The following GULP1 variants were observed in gnomAD, a reference collection of about 807,000 sequenced individuals.
GULP1 encodes the protein GULP PTB domain containing engulfment adaptor 1.
In GULP1, 19 loss-of-function variants were observed where a neutral mutation model predicts 40.9. That is an observed-to-expected ratio of 0.46 (90% CI 0.32 to 0.68). The LOEUF (loss-of-function observed/expected upper bound fraction) is 0.68, where lower values mean the gene tolerates loss of function less well. Among genes scored for constraint, GULP1 ranks in the 30% least tolerant of loss-of-function variants. GULP1 has a pLI of 0.03. For missense variants in GULP1, 312 were observed against 362.2 expected (o/e 0.86, Z 1.12); for synonymous variants, 119 against 117.6 (o/e 1.01, Z -0.08).
At chr2:188,450,213 A>G (rs545077390) in intron 2 of GULP1, among the ~76,000 whole-genome samples, 1 of 152,224 alleles carries the variant, frequency 6.6e-6, no homozygotes. Context: ...TTTACAGAAC[A>G]TGATGAAAAT....
At chr2:188,574,732 C>T (rs982700395) in intron 9 of GULP1, among the ~76,000 whole-genome samples, 1 of 151,976 alleles carries the variant, frequency 6.6e-6, no homozygotes, top group Non-Finnish European at 1.5e-5. Flanking sequence ...AACAAGAGGT[C>T]CAAAGTTAAA....
chr2:188,408,327 AT>A (rs1427592683), intron 2 of GULP1, among the ~76,000 whole-genome samples: 3 of 152,164 alleles, frequency 2.0e-5, no homozygotes, highest in Non-Finnish European at 4.4e-5. Context: ...AGTGCATGGT[AT>A]TCTGTTATAG....
intron 4 of GULP1, among the ~76,000 whole-genome samples, chr2:188,484,200 G>T (rs958332510): frequency 3.9e-5 from 6 of 152,068 alleles, no homozygotes; most frequent in Non-Finnish European, 7.4e-5. Flanking sequence ...AAGCCACTCT[G>T]CCCAGCCTAA....
At chr2:188,539,830 A>G (rs1194146138) in intron 6 of GULP1, among the ~76,000 whole-genome samples, 1 of 152,140 alleles carries the variant, frequency 6.6e-6, no homozygotes, top group African/African-American at 2.4e-5. Context: ...GCAAGCTGAC[A>G]CATCAAACTC....
intron 6 of GULP1, among the ~76,000 whole-genome samples, chr2:188,534,204 CT>C (rs1688323594): frequency 1.3e-5 from 2 of 152,154 alleles, no homozygotes; most frequent in African/African-American, 4.8e-5. Flanking sequence ...CATCGCAGCA[CT>C]TTTCACAATA....
chr2:188,429,395 G>T (rs2056592538), intron 2 of GULP1, among the ~76,000 whole-genome samples: 1 of 152,018 alleles, frequency 6.6e-6, no homozygotes. Context: ...AGCTCCTTGG[G>T]AGGCTGAGTT....
At chr2:188,507,478 T>G (rs1366565842) in intron 4 of GULP1, among the ~76,000 whole-genome samples, 2 of 151,268 alleles carry the variant, frequency 1.3e-5, no homozygotes, top group African/African-American at 4.9e-5. Flanking sequence ...TTGTACTAGG[T>G]TAGCCCTGAA....
At chr2:188,529,620 A>G (rs1164480408) in intron 6 of GULP1, among the ~76,000 whole-genome samples, 1 of 152,174 alleles carries the variant, frequency 6.6e-6, no homozygotes, top group Non-Finnish European at 1.5e-5. Context: ...AACACCACAA[A>G]CTGGGTGGCT....
chr2:188,322,603 A>G (rs1369012569), intron 1 of GULP1, among the ~76,000 whole-genome samples: 2 of 152,124 alleles, frequency 1.3e-5, no homozygotes, highest in Non-Finnish European at 2.9e-5. Flanking sequence ...CAACACTGCA[A>G]TTCTTCTCTA....
rs1009148654 is a variant in GULP1, at chr2:188,401,797, G to A, written c.-45+17908G>A. On this transcript the variant is annotated intron_variant, in intron 2 of 11. Coordinates refer to ENST00000409830, the MANE Select transcript of GULP1 (RefSeq NM_016315.4). ...ACTTGATTTTGCAAACCATATCTGT[G>A]AATAAGCAATTTAATAAGACACAGA... 4.6e-5 allele frequency among the ~76,000 whole-genome samples: 7 copies of A among 152,058 alleles called. No homozygotes were observed. In the East Asian group the frequency reaches 1.3e-3, roughly 29 times the overall value.
chr2:188,440,921 G>A (rs1453689700), intron 2 of GULP1, among the ~76,000 whole-genome samples: 2 of 152,194 alleles, frequency 1.3e-5, no homozygotes, highest in African/African-American at 2.4e-5. Flanking sequence ...TCAGATGTAT[G>A]TTGGGCCTTT....
In GULP1 at chr2:188,522,744, G is replaced by T. The variant is rs746988673; in HGVS notation, c.91-12G>T. On this transcript the variant is annotated splice_polypyrimidine_tract_variant and intron_variant, in intron 4 of 11. Coordinates refer to ENST00000409830, the MANE Select transcript of GULP1 (RefSeq NM_016315.4). ...TGGTAAAAGCCTGTGTCTCACAAAT[G>T]ACCATTTTCAGTTTCTTGGCAGTAC... The T allele has an allele frequency of 9.5e-6, 15 of 1,578,018 alleles. No individual in the cohort carries two copies. Among genetic ancestry groups the T allele is most frequent in the South Asian group, 3.3e-5 (3 of 90,214 alleles).
At chr2:188,524,604 A>AT (rs202151742) in intron 5 of GULP1, among the ~76,000 whole-genome samples, 2,238 of 139,786 alleles carry the variant, frequency 0.016, 81 homozygotes, top group East Asian at 0.097. Flanking sequence ...ATATATATAT[A>AT]TTTTTTTTTT....
chr2:188,466,255 T>C (rs2060104285), intron 2 of GULP1, among the ~76,000 whole-genome samples: 1 of 151,732 alleles, frequency 6.6e-6, no homozygotes, highest in South Asian at 2.1e-4. Flanking sequence ...GGGCACACTT[T>C]GTGGTTTTTA....
At chr2:188,331,810 A>G (rs1449183167) in intron 1 of GULP1, among the ~76,000 whole-genome samples, 1 of 152,224 alleles carries the variant, frequency 6.6e-6, no homozygotes, top group Non-Finnish European at 1.5e-5. Context: ...TAATGTAAAG[A>G]TAATGATTTC....
chr2:188,593,022 AGAGT>A (rs1703885323), intron 11 of GULP1: 1 of 152,108 alleles, frequency 6.6e-6, no homozygotes, highest in South Asian at 2.1e-4. Flanking sequence ...AAAAAAAGGT[AGAGT>A]ATGTAGAGAG....
intron 2 of GULP1, among the ~76,000 whole-genome samples, chr2:188,473,796 C>A (rs1054081278): frequency 1.1e-3 from 173 of 152,224 alleles, no homozygotes; most frequent in African/African-American, 4.0e-3. Context: ...TATCTAGGTG[C>A]AAGACAAAGT....
intron 10 of GULP1, among the ~76,000 whole-genome samples, chr2:188,585,846 T>C (rs749048751): frequency 2.0e-5 from 3 of 152,232 alleles, no homozygotes; most frequent in Non-Finnish European, 2.9e-5. Context: ...CTTATGCAAA[T>C]TTCTGCAAGA....
At chr2:188,582,250 CA>C (rs1386666991) in intron 9 of GULP1, 5 of 397,330 alleles carry the variant, frequency 1.3e-5, no homozygotes, top group Non-Finnish European at 2.6e-5. Flanking sequence ...CTTAACAAAA[CA>C]CCATTTTACA....
Sources: allele counts gnomAD v4.1 joint callset (sites outside exome capture counted in the v4.1 genomes callset), GRCh38; gene constraint gnomAD v4.1.1; transcripts MANE v1.5; gene names NCBI Gene and HGNC (gene_info 2026-07-23, HGNC 2026-07-21).